The following MYOM1 variants were observed in gnomAD, a reference collection of about 807,000 sequenced individuals.
MYOM1 encodes myomesin-1.
Under a neutral mutation model 205.3 loss-of-function variants are expected in MYOM1, and 164 were observed. The ratio of observed to expected loss-of-function variants is 0.80; its 90% confidence interval spans 0.70 to 0.91. MYOM1 has a LOEUF of 0.91. Among genes scored for constraint, MYOM1 ranks in the 40% least tolerant of loss-of-function variants. The probability of loss-of-function intolerance (pLI) is 0.00; values close to 1 mark genes in which losing one functional copy is unlikely to be tolerated. For missense variants in MYOM1, 2,011 were observed against 2,127.3 expected, an observed-to-expected ratio of 0.95 and a Z score of 1.08; for synonymous variants, 772 against 789.4, an observed-to-expected ratio of 0.98 and a Z score of 0.37.
At position 3,132,120 on chromosome 18, in the gene MYOM1, A is replaced by G. The variant is rs117610510; in HGVS notation, c.2385-624T>C. Reference sequence around the variant, plus strand: ...AAATTATTATTATATATGTGTGTGTATATATATATATATATGAGTTATACT... The same window carrying G: ...AAATTATTATTATATATGTGTGTGTGTATATATATATATATGAGTTATACT... On this transcript the variant is annotated intron_variant, in intron 16 of 37. Transcript: ENST00000356443. 5.1e-3 allele frequency among the ~76,000 whole-genome samples: 443 copies of G among 86,100 alleles called. 9 individuals carry two copies. The East Asian group carries it at 0.09, about 17-fold the overall frequency. 56.5% of individuals were successfully genotyped at this position (86,100 alleles called of 152,430 possible).
the MYOM1 span, among the ~76,000 whole-genome samples, chr18:3,237,689 C>G: frequency 6.6e-6 from 1 of 151,450 alleles, no homozygotes; most frequent in African/African-American, 2.4e-5. Flanking sequence ...TGAAATAAGC[C>G]AGTCACAAAA....
At chr18:3,245,352 C>T in the MYOM1 span, among the ~76,000 whole-genome samples, 1 of 152,108 alleles carries the variant, frequency 6.6e-6, no homozygotes, top group Non-Finnish European at 1.5e-5. Flanking sequence ...CCAGCCTGGG[C>T]AATAGAGCAA....
At chr18:3,102,907 T>C (rs955788857) in intron 22 of MYOM1, among the ~76,000 whole-genome samples, 8 of 152,230 alleles carry the variant, frequency 5.3e-5, no homozygotes, top group African/African-American at 1.9e-4. Flanking sequence ...TGGGAGTGGA[T>C]TGATTGCAAT....
At chr18:3,104,745 CTTTTTTTTTTTTTT>C (rs745369627) in intron 22 of MYOM1, among the ~76,000 whole-genome samples, 1 of 80,586 alleles carries the variant, frequency 1.2e-5, no homozygotes, top group East Asian at 4.4e-4. Context: ...GAATTGGAAT[CTTTTTTTTTTTTTT>C]TTTTTTTTTT....
At chr18:3,072,511 G>A (rs1232411365) in intron 36 of MYOM1, among the ~76,000 whole-genome samples, 2 of 151,576 alleles carry the variant, frequency 1.3e-5, no homozygotes, top group African/African-American at 2.4e-5. Flanking sequence ...GTACCACCAC[G>A]CCTGGCTAAT....
rs148821859 is a variant in MYOM1 at position 3,155,406 on chromosome 18, G to A, written c.1502-318C>T. 4.9e-3 allele frequency among the ~76,000 whole-genome samples: 750 copies of A among 152,138 alleles called. 2 individuals are homozygous for A. Among genetic ancestry groups the A allele is most frequent in the African/African-American group, 0.014 (574 of 41,506 alleles). On this transcript the variant is annotated intron_variant, in intron 10 of 37. Coordinates refer to ENST00000356443, the MANE Select transcript of MYOM1 (RefSeq NM_003803.4). ...CCAGCTAATTTCTTTTTGTATTTTT[G>A]GTAGAGATGGGGTTTCACCGTGTTA...
chr18:3,147,522 A>G (rs943672711), intron 13 of MYOM1, among the ~76,000 whole-genome samples: 21 of 152,280 alleles, frequency 1.4e-4, no homozygotes, highest in Admixed American at 1.2e-3. Flanking sequence ...AGCTGAAACA[A>G]CTTTGGGGGG....
chr18:3,217,723 T>C (rs970475647), intron 1 of MYOM1, among the ~76,000 whole-genome samples: 2 of 152,144 alleles, frequency 1.3e-5, no homozygotes, highest in Non-Finnish European at 2.9e-5. Flanking sequence ...TGGCTCATGC[T>C]TGTAATTCCA....
chr18:3,151,567 G>A, intron 12 of MYOM1, 127 bp downstream of exon 12: 1 of 746,592 alleles, frequency 1.3e-6, no homozygotes, highest in Non-Finnish European at 2.0e-6. Context: ...ATTTTCTGAT[G>A]AAAAAAGGAT....
intron 19 of MYOM1, among the ~76,000 whole-genome samples, chr18:3,124,092 C>T (rs1466007392): frequency 6.6e-6 from 1 of 151,452 alleles, no homozygotes; most frequent in Non-Finnish European, 1.5e-5. Flanking sequence ...CCACCTCGGC[C>T]TCCCAAAGTG....
intron 25 of MYOM1, among the ~76,000 whole-genome samples, chr18:3,095,426 A>G (rs1403475998): frequency 1.3e-5 from 2 of 152,104 alleles, no homozygotes; most frequent in Admixed American, 1.3e-4. Context: ...AAAATTAGCC[A>G]GGCGTGGTGG....
In MYOM1 at chr18:3,075,781, A is replaced by C. The variant is rs1936830216; in HGVS notation, c.4649-20T>G. 6.4e-7 allele frequency: 1 copy of C among 1,563,242 alleles called. No homozygotes were observed. The highest frequency in any genetic ancestry group is 8.7e-7 in the Non-Finnish European group (1 of 1,151,926). ...CGTATGCTTTAAAAGAAAAAAGAAA[A>C]GTTAGAATTTTCTCACCCAGAATTG... is the stretch of plus-strand genomic sequence containing the variant. On this transcript the variant is annotated intron_variant, in intron 34 of 37. Transcript: ENST00000356443.
chr18:3,147,639 T>A (rs1162131076), intron 13 of MYOM1, among the ~76,000 whole-genome samples: 2 of 152,076 alleles, frequency 1.3e-5, no homozygotes, highest in African/African-American at 4.8e-5. Context: ...GACAGTATGG[T>A]ATTGATGGAA....
chr18:3,144,185 G>C (rs180990887), intron 13 of MYOM1, among the ~76,000 whole-genome samples: 1 of 151,928 alleles, frequency 6.6e-6, no homozygotes, highest in East Asian at 1.9e-4. Context: ...CAGACTGGGC[G>C]ACAGAGCAAG....
At chr18:3,188,715 C>A (rs758337988) in intron 4 of MYOM1, 33 bp downstream of exon 4, 2 of 1,498,166 alleles carry the variant, frequency 1.3e-6, no homozygotes, top group Non-Finnish European at 1.8e-6. Flanking sequence ...GCATTTCCAC[C>A]TTTGTAAGTT....
chr18:3,140,840 T>C (rs1027661489), intron 14 of MYOM1, among the ~76,000 whole-genome samples: 9 of 152,180 alleles, frequency 5.9e-5, no homozygotes, highest in African/African-American at 1.9e-4. Context: ...AACTAAAATG[T>C]AAAGTAAATG....
At chr18:3,092,949 A>G (rs183522836) in intron 26 of MYOM1, among the ~76,000 whole-genome samples, 29 of 152,304 alleles carry the variant, frequency 1.9e-4, no homozygotes, top group African/African-American at 6.0e-4. Flanking sequence ...TGTTCACTCA[A>G]TGGCTGTGGG....
At chr18:3,172,768 C>T (rs934962783) in intron 8 of MYOM1, among the ~76,000 whole-genome samples, 4 of 152,180 alleles carry the variant, frequency 2.6e-5, no homozygotes, top group Non-Finnish European at 5.9e-5. Context: ...ACCTCCGCCT[C>T]GCAAAGTGTT....
chr18:3,204,747 T>C (rs752722692), intron 2 of MYOM1, among the ~76,000 whole-genome samples: 1 of 152,000 alleles, frequency 6.6e-6, no homozygotes, highest in African/African-American at 2.4e-5. Flanking sequence ...TATGGAAATA[T>C]GAAGGAACGA....
Sources: gnomAD v4.1 joint callset for allele counts (sites outside exome capture counted in the v4.1 genomes callset) on GRCh38, gnomAD v4.1.1 for gene constraint, MANE v1.5 for transcripts, NCBI Gene and HGNC (gene_info 2026-07-23, HGNC 2026-07-21) for gene names.